Variants in SLC35F3 observed in about 807,000 individuals in gnomAD.
The protein encoded by SLC35F3 is solute carrier family 35 member F3.
Under a neutral mutation model 49.9 loss-of-function variants are expected in SLC35F3, and 25 were observed. The ratio of observed to expected loss-of-function variants is 0.50; its 90% confidence interval spans 0.37 to 0.70. The LOEUF is 0.70. Among genes scored for constraint, SLC35F3 ranks in the 30% least tolerant of loss-of-function variants. The pLI, the probability that SLC35F3 is intolerant of heterozygous loss-of-function variation, is 0.00. For synonymous variants in SLC35F3, 275 were observed against 265.4 expected, an observed-to-expected ratio of 1.04 and a Z score of -0.35; for missense variants, 525 against 639.8, an observed-to-expected ratio of 0.82 and a Z score of 1.94.
chr1:234,105,291 A>G (rs1665269293), intron 2 of SLC35F3, among the ~76,000 whole-genome samples: 1 of 152,168 alleles, frequency 6.6e-6, no homozygotes, highest in South Asian at 2.1e-4. Flanking sequence ...GAATGGAGTC[A>G]ATGATCAAGA....
intron 3 of SLC35F3, among the ~76,000 whole-genome samples, chr1:234,292,840 C>T (rs1159137550): frequency 1.3e-5 from 2 of 152,214 alleles, no homozygotes; most frequent in Non-Finnish European, 2.9e-5. Context: ...TTCTCCAGGC[C>T]TGGGCCTCTC....
rs1171335406 is a variant in SLC35F3 at position 233,905,148 on chromosome 1, C to T, written c.53+18C>T. 6.4e-7 allele frequency: 1 copy of T among 1,551,268 alleles called. No homozygotes were observed. The highest frequency in any genetic ancestry group is 2.4e-5 in the East Asian group (1 of 41,122). ...ATTGCCGTGTGAGTAGCGCCCCGGG[C>T]GTGGGTGAGCGAGCCGGCGGGCGGG... On this transcript the variant is annotated intron_variant, in intron 1 of 7. Coordinates refer to ENST00000366618, the MANE Select transcript of SLC35F3 (RefSeq NM_173508.4).
At chr1:233,944,511 G>A (rs1662481487) in intron 2 of SLC35F3, among the ~76,000 whole-genome samples, 1 of 152,074 alleles carries the variant, frequency 6.6e-6, no homozygotes, top group Admixed American at 6.6e-5. Flanking sequence ...TCTAGTAGAG[G>A]GTGTGACAAC....
At position 234,285,698 on chromosome 1, in the gene SLC35F3, T is replaced by C. The variant is rs141145848; in HGVS notation, c.609-23403T>C. Among the ~76,000 whole-genome samples the C allele has an allele frequency of 2.5e-3, 387 of 152,334 alleles. 2 individuals are homozygous for C. The highest frequency in any genetic ancestry group is 4.5e-3 in the Non-Finnish European group (309 of 68,032). Reference sequence around the variant, plus strand: ...AGTTATTAACATAGGTAGTGATTAGTAGGAGGCAGCTCACGTTCTCTGAGG... The same window carrying C: ...AGTTATTAACATAGGTAGTGATTAGCAGGAGGCAGCTCACGTTCTCTGAGG... On this transcript the variant is annotated intron_variant, in intron 3 of 7. Transcript: ENST00000366618.
chr1:233,972,165 C>T (rs751721799), intron 2 of SLC35F3, among the ~76,000 whole-genome samples: 3 of 152,224 alleles, frequency 2.0e-5, no homozygotes, highest in Non-Finnish European at 2.9e-5. Context: ...ATGAGAACAG[C>T]GTGGTGGATT....
At chr1:234,230,923 C>A (rs1472119784) in intron 2 of SLC35F3, among the ~76,000 whole-genome samples, 2 of 152,180 alleles carry the variant, frequency 1.3e-5, no homozygotes, top group Non-Finnish European at 1.5e-5. Flanking sequence ...GGTACTGGGA[C>A]CTTTTAGAGG....
At chr1:234,179,765 A>C (rs1313379342) in intron 2 of SLC35F3, among the ~76,000 whole-genome samples, 1 of 152,214 alleles carries the variant, frequency 6.6e-6, no homozygotes, top group Non-Finnish European at 1.5e-5. Flanking sequence ...ATTCAGGTTC[A>C]ATTAAAGAGG....
At chr1:234,134,418 G>A (rs1347038001) in intron 2 of SLC35F3, among the ~76,000 whole-genome samples, 2 of 148,186 alleles carry the variant, frequency 1.3e-5, no homozygotes, top group South Asian at 2.1e-4. Flanking sequence ...GTAGATAAAT[G>A]TATATTCGTG....
intron 3 of SLC35F3, among the ~76,000 whole-genome samples, chr1:234,281,802 G>A (rs1240122697): frequency 3.3e-5 from 5 of 152,024 alleles, no homozygotes; most frequent in African/African-American, 7.3e-5. Flanking sequence ...TGAATCAACC[G>A]TATCGAGCTT....
intron 2 of SLC35F3, among the ~76,000 whole-genome samples, chr1:234,220,521 C>T (rs1345327111): frequency 2.6e-5 from 4 of 152,198 alleles, no homozygotes; most frequent in Non-Finnish European, 5.9e-5. Flanking sequence ...ATTTAGTCCT[C>T]ACAACATGCC....
intron 2 of SLC35F3, among the ~76,000 whole-genome samples, chr1:233,984,826 G>A (rs1002134320): frequency 3.9e-5 from 6 of 152,138 alleles, no homozygotes; most frequent in Non-Finnish European, 8.8e-5. Flanking sequence ...AGGGACATAT[G>A]TTAAGATGTT....
At chr1:234,082,363 G>A (rs1186357185) in intron 2 of SLC35F3, among the ~76,000 whole-genome samples, 4 of 152,078 alleles carry the variant, frequency 2.6e-5, no homozygotes, top group African/African-American at 7.2e-5. Flanking sequence ...AATTCAATTC[G>A]CTGCCTGCCT....
chr1:234,186,192 C>T (rs1219928251), intron 2 of SLC35F3, among the ~76,000 whole-genome samples: 1 of 152,156 alleles, frequency 6.6e-6, no homozygotes, highest in Non-Finnish European at 1.5e-5. Flanking sequence ...GCATTAATAT[C>T]CCTGGCACCT....
chr1:233,953,253 A>C (rs75654605), intron 2 of SLC35F3, among the ~76,000 whole-genome samples: 4,180 of 152,338 alleles, frequency 0.027, 168 homozygotes, highest in African/African-American at 0.094. Context: ...GAAAAAAATC[A>C]GTAATACTTG....
rs528305857 is a variant in SLC35F3 at position 234,258,459 on chromosome 1, G to A, written c.608+26718G>A. Among the ~76,000 whole-genome samples the A allele has an allele frequency of 1.1e-4, 17 of 152,318 alleles. 1 individual carries two copies. The highest frequency in any genetic ancestry group is 3.8e-4 in the African/African-American group (16 of 41,566). On this transcript the variant is annotated intron_variant, in intron 3 of 7. Coordinates refer to ENST00000366618, the MANE Select transcript of SLC35F3 (RefSeq NM_173508.4). The stretch of plus-strand genomic sequence containing the variant: ...TTGTGACTATCCCTACATGACTCCT[G>A]AGCAGTAAACAATGACTAGTTATCA...
intron 2 of SLC35F3, among the ~76,000 whole-genome samples, chr1:234,049,787 C>T (rs1016770205): frequency 1.3e-5 from 2 of 152,136 alleles, no homozygotes; most frequent in African/African-American, 2.4e-5. Flanking sequence ...TCCCTCCCCA[C>T]TACCCCAACC....
At chr1:234,075,589 C>T (rs537720088) in intron 2 of SLC35F3, among the ~76,000 whole-genome samples, 1 of 152,076 alleles carries the variant, frequency 6.6e-6, no homozygotes, top group African/African-American at 2.4e-5. Flanking sequence ...CAACTGAGGT[C>T]GTTAGAAAAG....
At chr1:234,189,542 A>C (rs1370538829) in intron 2 of SLC35F3, among the ~76,000 whole-genome samples, 2 of 152,082 alleles carry the variant, frequency 1.3e-5, no homozygotes, top group East Asian at 3.9e-4. Flanking sequence ...TTTTTAAAAA[A>C]TTAACAAAGC....
chr1:234,161,773 T>C (rs1485558301), intron 2 of SLC35F3, among the ~76,000 whole-genome samples: 1 of 152,184 alleles, frequency 6.6e-6, no homozygotes, highest in African/African-American at 2.4e-5. Flanking sequence ...GCCACTGCAC[T>C]ACAGCTTGGG....
Sources: allele counts gnomAD v4.1 joint callset (sites outside exome capture counted in the v4.1 genomes callset), GRCh38; gene constraint gnomAD v4.1.1; transcripts MANE v1.5; gene names NCBI Gene and HGNC (gene_info 2026-07-23, HGNC 2026-07-21).